The following TNS1 variants were observed in gnomAD, a reference collection of about 807,000 sequenced individuals.
The protein encoded by TNS1 is tensin-1.
In TNS1, 62 loss-of-function variants were observed where a neutral mutation model predicts 168.6. That is an observed-to-expected ratio of 0.37 (90% confidence interval 0.30 to 0.45). TNS1 has a LOEUF of 0.45. TNS1 is among the 20% of genes least tolerant of loss of function. TNS1 has a pLI of 1.00. For missense variants in TNS1, 2,240 were observed against 2,339.4 expected (o/e 0.96, Z 0.88); for synonymous variants, 934 against 933.2 (o/e 1.00, Z -0.02).
chr2:217,911,149 C>T (rs540156964), intron 4 of TNS1, among the ~76,000 whole-genome samples: 157 of 152,294 alleles, frequency 1.0e-3, no homozygotes, highest in Non-Finnish European at 1.9e-3. Flanking sequence ...GCTTAAGGTC[C>T]CCAGGCTTTC....
chr2:217,897,219 T>C (rs1170762692), intron 8 of TNS1, among the ~76,000 whole-genome samples: 1 of 152,134 alleles, frequency 6.6e-6, no homozygotes, highest in Non-Finnish European at 1.5e-5. Context: ...TCTGCGTTAG[T>C]GGAGACCACC....
At chr2:217,808,531 A>T in intron 31 of TNS1, 72 bp downstream of exon 31, 1 of 1,366,640 alleles carries the variant, frequency 7.3e-7, no homozygotes, top group Non-Finnish European at 1.0e-6. Flanking sequence ...ACACACATGC[A>T]CATGCATGCA....
chr2:217,888,540 G>A (rs754945806), intron 12 of TNS1, among the ~76,000 whole-genome samples: 15 of 152,332 alleles, frequency 9.8e-5, no homozygotes, highest in Non-Finnish European at 2.2e-4. Context: ...CTCATCTTGA[G>A]TTGTAGCTCC....
Position 217,848,009 on chromosome 2 carries a change from T to C in TNS1, c.2508A>G (p.Thr836=). ...CCAGGTCCAGCATCAGCATATTGAG[T>C]GTTTCGATGGACTGTTCAATCTCCT... ...SQQEIEQSIE[T]LNMLMLDLEP... The change falls in exon 19 of 33, where the codon ACA becomes ACG. Residue 836 remains threonine (T), a synonymous_variant. Transcript: ENST00000682258. 1 of 1,512,394 alleles carries C rather than the reference T, an allele frequency of 6.6e-7. No homozygotes were observed. Among genetic ancestry groups the C allele is most frequent in the South Asian group, 1.3e-5 (1 of 74,388 alleles). The allele number at this position is 1,512,394 out of a possible 1,614,324, so 93.7% of individuals were successfully genotyped here. A position where few individuals can be genotyped will look rare whatever the true frequency, so the allele number is the denominator to read the frequency against.
Position 217,848,899 on chromosome 2 carries a change from T to G in TNS1, c.1618A>C (p.Thr540Pro). The G allele has an allele frequency of 1.2e-6, 2 of 1,614,034 alleles. No individual in the cohort carries two copies. The highest frequency in any genetic ancestry group is 1.7e-6 in the Non-Finnish European group (2 of 1,179,992). ...GGGACAGGCTCGTCGGTCTTGTCGG[T>G]CTTGGTGGAGGCTGTGGAGTTGCCC... is the stretch of plus-strand genomic sequence containing the variant. ...DSGNSTASTK[T>P]DKTDEPVPGA... is the part of the protein sequence containing the mutation. Residue 540 changes from threonine (T) to proline (P), a missense_variant, in exon 19 of 33, where the codon ACC becomes CCC. Thr to Pro is a conservative substitution (Grantham distance 38). This residue lies in a region of TNS1 where 2,131 missense variants were observed against 2,171.2 expected (regional missense o/e 0.98). Coordinates refer to ENST00000682258, the MANE Select transcript of TNS1 (RefSeq NM_001387777.1).
At chr2:217,808,737 C>T in intron 30 of TNS1, 66 bp from the exon 31 acceptor site, 1 of 1,495,464 alleles carries the variant, frequency 6.7e-7, no homozygotes, top group South Asian at 1.1e-5. Context: ...CCTCCTTCCA[C>T]CAGCAGGTCA....
intron 22 of TNS1, among the ~76,000 whole-genome samples, chr2:217,823,674 G>A (rs1199375099): frequency 1.3e-5 from 2 of 152,186 alleles, no homozygotes; most frequent in African/African-American, 4.8e-5. Flanking sequence ...GCCACAGCCT[G>A]CCCGTCTGTC....
chr2:217,892,070 C>T (rs1951799990), intron 11 of TNS1, among the ~76,000 whole-genome samples: 1 of 152,218 alleles, frequency 6.6e-6, no homozygotes, highest in Non-Finnish European at 1.5e-5. Flanking sequence ...GGACCTAGAA[C>T]AGAGCCTGGC....
chr2:217,916,445 C>T (rs1395322088), intron 4 of TNS1, among the ~76,000 whole-genome samples: 2 of 152,180 alleles, frequency 1.3e-5, no homozygotes, highest in East Asian at 3.9e-4. Context: ...ACCTGACATC[C>T]GCCGACCTTG....
intron 4 of TNS1, among the ~76,000 whole-genome samples, chr2:217,913,010 AG>A (rs1053368984): frequency 2.6e-5 from 4 of 152,086 alleles, no homozygotes; most frequent in Non-Finnish European, 4.4e-5. Flanking sequence ...TGCGCCTCCG[AG>A]TCTAAGACCT....
At chr2:217,854,457 A>C (rs1292024465) in intron 18 of TNS1, among the ~76,000 whole-genome samples, 4 of 152,172 alleles carry the variant, frequency 2.6e-5, no homozygotes, top group African/African-American at 9.7e-5. Flanking sequence ...TTTGGGTCCA[A>C]GTCCAGCAAA....
chr2:217,901,990 A>G (rs905021314), intron 6 of TNS1: 1 of 152,240 alleles, frequency 6.6e-6, no homozygotes, highest in African/African-American at 2.4e-5. Flanking sequence ...TGAAGGAGGG[A>G]AGAGCCAAGT....
upstream of TNS1, among the ~76,000 whole-genome samples, chr2:218,014,622 C>T (rs1228786466): frequency 5.3e-5 from 8 of 152,220 alleles, no homozygotes; most frequent in Admixed American, 5.2e-4. Flanking sequence ...TAAAGTCCTT[C>T]GATTGCTTTG....
At chr2:217,927,603 G>A (rs556238715) in intron 3 of TNS1, among the ~76,000 whole-genome samples, 18 of 152,194 alleles carry the variant, frequency 1.2e-4, no homozygotes, top group African/African-American at 4.3e-4. Flanking sequence ...GAGAAAGTGG[G>A]GGAGAAGAGG....
At chr2:217,827,081 A>T (rs1029020485) in intron 22 of TNS1, among the ~76,000 whole-genome samples, 4 of 151,996 alleles carry the variant, frequency 2.6e-5, no homozygotes, top group Non-Finnish European at 5.9e-5. Flanking sequence ...CCCCCATGAC[A>T]TCCTATTCCT....
intron 3 of TNS1, among the ~76,000 whole-genome samples, chr2:217,922,229 C>A (rs557512453): frequency 1.3e-5 from 2 of 152,316 alleles, no homozygotes; most frequent in African/African-American, 2.4e-5. Flanking sequence ...ACCCTGCCCA[C>A]GAGACCAGGT....
At chr2:217,833,385 T>C (rs541034042) in intron 21 of TNS1, among the ~76,000 whole-genome samples, 1 of 152,274 alleles carries the variant, frequency 6.6e-6, no homozygotes, top group South Asian at 2.1e-4. Context: ...GAGAGAAAAA[T>C]TCCACACGTT....
At chr2:217,885,872 G>C in intron 14 of TNS1, 53 bp from the exon 15 acceptor site, 1 of 1,590,984 alleles carries the variant, frequency 6.3e-7, no homozygotes, top group Non-Finnish European at 8.6e-7. Flanking sequence ...GGGAGATGAG[G>C]GAGGGGCATT....
chr2:217,863,661 A>C (rs996329718), intron 18 of TNS1, among the ~76,000 whole-genome samples: 1 of 151,944 alleles, frequency 6.6e-6, no homozygotes, highest in Non-Finnish European at 1.5e-5. Flanking sequence ...TTTTCCTGGG[A>C]CTCAGTTTCC....
Sources: gnomAD v4.1 joint callset for allele counts (sites outside exome capture counted in the v4.1 genomes callset) on GRCh38, gnomAD v4.1.1 for gene constraint, gnomAD v4.1.1 regional missense constraint, MANE v1.5 for transcripts, NCBI Gene and HGNC (gene_info 2026-07-23, HGNC 2026-07-21) for gene names.